Variants in SNAP91 observed in about 807,000 individuals in gnomAD.
SNAP91 encodes clathrin coat assembly protein AP180.
A neutral mutation model predicts 100.3 loss-of-function variants in SNAP91; 27 were observed. The observed-to-expected ratio is 0.27, with a 90% confidence interval of 0.20 to 0.37. The LOEUF is 0.37. SNAP91 is among the 10% of genes least tolerant of loss of function. The pLI is 1.00. For synonymous variants in SNAP91, 404 were observed against 398.6 expected, an observed-to-expected ratio of 1.01 and a Z score of -0.16; for missense variants, 986 against 1,123.7, an observed-to-expected ratio of 0.88 and a Z score of 1.75.
At chr6:83,694,626 T>A (rs1562708234) in intron 2 of SNAP91, among the ~76,000 whole-genome samples, 2 of 152,212 alleles carry the variant, frequency 1.3e-5, no homozygotes, top group African/African-American at 2.4e-5. Context: ...GCTATGATAA[T>A]GTGAACCTGG....
At chr6:83,653,230 G>A (rs1040563801) in intron 7 of SNAP91, among the ~76,000 whole-genome samples, 3 of 151,824 alleles carry the variant, frequency 2.0e-5, no homozygotes, top group Non-Finnish European at 4.4e-5. Flanking sequence ...GACACCTTTT[G>A]TTGCTGTCCC....
In SNAP91 at chr6:83,591,218, T is replaced by G; in HGVS notation, c.2007A>C (p.Leu669=). 6.2e-7 allele frequency: 1 copy of G among 1,603,494 alleles called. No individual in the cohort carries two copies. The change falls in exon 22 of 30, where the codon CTA becomes CTC. Residue 669 remains leucine (L), a synonymous_variant. Coordinates refer to ENST00000369694, the MANE Select transcript of SNAP91 (RefSeq NM_001242792.2). ...CCATTTTAATTTAATTACCAGCTAG[T>G]AGGTCTGCCGATGCTGATGAACTAG... ...AASSSSASAD[L]LAGFGGSFMA...
chr6:83,694,789 T>C (rs1471217460), intron 2 of SNAP91, among the ~76,000 whole-genome samples: 1 of 152,166 alleles, frequency 6.6e-6, no homozygotes, highest in East Asian at 1.9e-4. Context: ...CTTTTCCTCA[T>C]ATTGGTTACA....
At chr6:83,559,967 T>C in intron 28 of SNAP91, 137 bp downstream of exon 28, 1 of 715,502 alleles carries the variant, frequency 1.4e-6, no homozygotes, top group Non-Finnish European at 2.5e-6. Flanking sequence ...CAGATCTGTC[T>C]TCCAAGCTCC....
chr6:83,561,096 A>G, intron 26 of SNAP91, 149 bp from the exon 27 acceptor site: 1 of 588,074 alleles, frequency 1.7e-6, no homozygotes, highest in Non-Finnish European at 2.9e-6. Flanking sequence ...AGGCTGGAGT[A>G]CGATGGCATG....
At chr6:83,598,680 C>A (rs1440225567) in intron 16 of SNAP91, among the ~76,000 whole-genome samples, 3 of 152,064 alleles carry the variant, frequency 2.0e-5, no homozygotes, top group Non-Finnish European at 4.4e-5. Flanking sequence ...TAGAGTTCTA[C>A]CACTTACCCA....
At chr6:83,667,642 A>G (rs1029666788) in intron 2 of SNAP91, among the ~76,000 whole-genome samples, 2 of 151,826 alleles carry the variant, frequency 1.3e-5, no homozygotes, top group Non-Finnish European at 2.9e-5. Flanking sequence ...TGATTTTTAT[A>G]TTTTTTTATT....
chr6:83,685,882 T>C (rs1261549099), intron 2 of SNAP91, among the ~76,000 whole-genome samples: 1 of 152,222 alleles, frequency 6.6e-6, no homozygotes, highest in South Asian at 2.1e-4. Flanking sequence ...TGCATTCCCA[T>C]ATCTGTGCTT....
chr6:83,673,143 T>C (rs1280010038), intron 2 of SNAP91, among the ~76,000 whole-genome samples: 1 of 152,096 alleles, frequency 6.6e-6, no homozygotes, highest in African/African-American at 2.4e-5. Flanking sequence ...TCATTGTAAT[T>C]CTTTTAAATT....
At chr6:83,581,708 A>G (rs566388306) in intron 23 of SNAP91, among the ~76,000 whole-genome samples, 1 of 152,324 alleles carries the variant, frequency 6.6e-6, no homozygotes, top group South Asian at 2.1e-4. Flanking sequence ...AATTTGTAGT[A>G]AGGACCCAGC....
chr6:83,610,195 T>C (rs1011460660), intron 12 of SNAP91, among the ~76,000 whole-genome samples: 1 of 152,048 alleles, frequency 6.6e-6, no homozygotes, highest in Non-Finnish European at 1.5e-5. Context: ...ACCCAAATGA[T>C]ACAAGCAACC....
At chr6:83,573,105 G>A (rs1811312411) in intron 26 of SNAP91, among the ~76,000 whole-genome samples, 1 of 152,146 alleles carries the variant, frequency 6.6e-6, no homozygotes, top group South Asian at 2.1e-4. Context: ...CCAAATGTGG[G>A]CTGAGGGGCC....
intron 9 of SNAP91, 53 bp from the exon 10 acceptor site, chr6:83,617,092 CACACTGT>C: frequency 5.7e-6 from 7 of 1,224,660 alleles, no homozygotes; most frequent in Non-Finnish European, 6.9e-6. Flanking sequence ...TCAATGTAAA[CACACTGT>C]AATGTCACTG....
At chr6:83,616,105 C>A (rs1276154384) in intron 10 of SNAP91, among the ~76,000 whole-genome samples, 6 of 151,990 alleles carry the variant, frequency 3.9e-5, no homozygotes, top group Non-Finnish European at 8.8e-5. Context: ...CTACTTAAAT[C>A]ATACATGTAA....
intron 7 of SNAP91, among the ~76,000 whole-genome samples, chr6:83,651,170 T>C (rs1429798105): frequency 2.0e-5 from 3 of 152,186 alleles, no homozygotes; most frequent in Non-Finnish European, 1.5e-5. Context: ...TAGAGACTTA[T>C]TGATTTTATT....
chr6:83,691,432 A>C (rs1458035169), intron 2 of SNAP91, among the ~76,000 whole-genome samples: 1 of 152,148 alleles, frequency 6.6e-6, no homozygotes, highest in Non-Finnish European at 1.5e-5. Flanking sequence ...TCAAAGTCCA[A>C]ATATATTTCA....
At chr6:83,577,210 A>C (rs1240242358) in intron 24 of SNAP91, among the ~76,000 whole-genome samples, 3 of 152,180 alleles carry the variant, frequency 2.0e-5, no homozygotes, top group African/African-American at 4.8e-5. Flanking sequence ...CAGCCAGGAC[A>C]ACAGCCCTAA....
At position 83,638,936 on chromosome 6, in the gene SNAP91, A is replaced by AC. The variant is rs560692137; in HGVS notation, c.765+2159dup. Among the ~76,000 whole-genome samples, 18 of 152,340 alleles carry AC rather than the reference A, an allele frequency of 1.2e-4. 1 individual carries two copies. The South Asian group carries it at 2.7e-3, about 23-fold the overall frequency. Reference sequence around the variant, plus strand: ...AGAGTATTTAGCAGAAATATATCTTACCAGTAAAAATTATTTTACCAAGTT... The same window carrying AC: ...AGAGTATTTAGCAGAAATATATCTTACCCAGTAAAAATTATTTTACCAAGTT... On this transcript the variant is annotated intron_variant, in intron 8 of 29. Coordinates refer to ENST00000369694, the MANE Select transcript of SNAP91 (RefSeq NM_001242792.2).
At chr6:83,649,690 C>T (rs536055371) in intron 7 of SNAP91, among the ~76,000 whole-genome samples, 6 of 152,162 alleles carry the variant, frequency 3.9e-5, no homozygotes, top group Middle Eastern at 3.4e-3. Context: ...AAGTGATTCT[C>T]CTGCCTTAGC....
Sources: gnomAD v4.1 joint callset for allele counts (sites outside exome capture counted in the v4.1 genomes callset) on GRCh38, gnomAD v4.1.1 for gene constraint, MANE v1.5 for transcripts, NCBI Gene and HGNC (gene_info 2026-07-23, HGNC 2026-07-21) for gene names.